The following LIMD1 variants were observed in gnomAD, a reference collection of about 807,000 sequenced individuals.
LIMD1 encodes the protein LIM domain containing 1, also known as LIM domain-containing protein 1.
Under a neutral mutation model 58.4 loss-of-function variants are expected in LIMD1, and 23 were observed. That is an observed-to-expected ratio of 0.39 (90% confidence interval 0.28 to 0.56). The LOEUF (loss-of-function observed/expected upper bound fraction) is 0.56. LIMD1 is among the 20% of genes least tolerant of loss of function. The probability of loss-of-function intolerance (pLI) is 0.57; values close to 1 mark genes in which losing one functional copy is unlikely to be tolerated. For missense variants in LIMD1, 838 were observed against 855.5 expected (o/e 0.98, Z 0.25); for synonymous variants, 334 against 345.5 (o/e 0.97, Z 0.37).
rs148710303 is a variant in LIMD1 at position 45,664,288 on chromosome 3, G to A, written c.1511-1362G>A. Among the ~76,000 whole-genome samples, 512 of 152,284 alleles carry A rather than the reference G, an allele frequency of 3.4e-3. 1 individual carries two copies. Among genetic ancestry groups the A allele is most frequent in the Middle Eastern group, 0.01 (3 of 294 alleles). ...CCCAAAATGCTGGGACTACAGACGTGAACAACTGTGCCCGGCCAGATACTA... is the reference window on the plus strand; with the variant it reads ...CCCAAAATGCTGGGACTACAGACGTAAACAACTGTGCCCGGCCAGATACTA... On this transcript the variant is annotated intron_variant, in intron 2 of 7. Transcript: ENST00000273317.
At chr3:45,646,566 G>T (rs140408491) in intron 2 of LIMD1, among the ~76,000 whole-genome samples, 2 of 152,256 alleles carry the variant, frequency 1.3e-5, no homozygotes, top group East Asian at 3.9e-4. Context: ...TGGCTAGTGT[G>T]ACTATGGAAC....
At chr3:45,676,001 C>G (rs765629810) in intron 7 of LIMD1, among the ~76,000 whole-genome samples, 1 of 151,970 alleles carries the variant, frequency 6.6e-6, no homozygotes, top group Non-Finnish European at 1.5e-5. Flanking sequence ...GCCTGTAATC[C>G]CAGCACTTTG....
At chr3:45,674,516 G>T in intron 7 of LIMD1, 105 bp downstream of exon 7, 5 of 850,056 alleles carry the variant, frequency 5.9e-6, no homozygotes, top group Non-Finnish European at 9.7e-6. Context: ...TCTGGCAAGG[G>T]TCAGCCCTCT....
chr3:45,606,013 TG>T (rs1007519320), intron 1 of LIMD1, among the ~76,000 whole-genome samples: 1 of 152,190 alleles, frequency 6.6e-6, no homozygotes, highest in African/African-American at 2.4e-5. Context: ...CATTAGGCCG[TG>T]AAGGTGGAAT....
Position 45,680,596 on chromosome 3 carries a change from A to G in LIMD1, c.*3537A>G, listed in dbSNP as rs746181399. ...CTCCCAAAGTGTTGGGATTATGGCCATTAGCCACTGTACCTGGCACAATTT... is the reference window on the plus strand; with the variant it reads ...CTCCCAAAGTGTTGGGATTATGGCCGTTAGCCACTGTACCTGGCACAATTT... On this transcript the variant is annotated 3_prime_UTR_variant, in exon 8 of 8. Coordinates refer to ENST00000273317, the MANE Select transcript of LIMD1 (RefSeq NM_014240.3). 1 of 152,084 alleles carries G rather than the reference A, an allele frequency of 6.6e-6. No individual in the cohort carries two copies. The highest frequency in any genetic ancestry group is 6.5e-5 in the Admixed American group (1 of 15,272). 9.4% of individuals were successfully genotyped at this position (152,084 alleles called of 1,614,324 possible).
At chr3:45,601,487 C>T (rs557444512) in intron 1 of LIMD1, among the ~76,000 whole-genome samples, 37 of 152,196 alleles carry the variant, frequency 2.4e-4, no homozygotes, top group Non-Finnish European at 3.5e-4. Flanking sequence ...TCGCCTTCAT[C>T]GAAGGGCCTT....
At chr3:45,624,742 A>ACAAAT (rs1471443669) in intron 1 of LIMD1, among the ~76,000 whole-genome samples, 11 of 152,004 alleles carry the variant, frequency 7.2e-5, no homozygotes, top group Non-Finnish European at 1.3e-4. Context: ...ACAAAACAAA[A>ACAAAT]AAAAACTTTC....
chr3:45,618,049 G>A lies in LIMD1; in HGVS notation c.1409-18101G>A, dbSNP rs78865452. On this transcript the variant is annotated intron_variant, in intron 1 of 7. Transcript: ENST00000273317. ...CATTCTGGTTCCCTTCTGGTTCCGTGTGGTGGGGCACCTCACTGCCTGAGG... is the reference window on the plus strand; with the variant it reads ...CATTCTGGTTCCCTTCTGGTTCCGTATGGTGGGGCACCTCACTGCCTGAGG... 5.9e-5 allele frequency among the ~76,000 whole-genome samples: 9 copies of A among 152,250 alleles called. 1 individual carries two copies. The South Asian group carries it at 1.0e-3, about 18-fold the overall frequency.
intron 1 of LIMD1, among the ~76,000 whole-genome samples, chr3:45,601,869 C>T (rs951342332): frequency 6.6e-6 from 1 of 152,114 alleles, no homozygotes; most frequent in African/African-American, 2.4e-5. Context: ...CATTCTCCAC[C>T]CACGTACTGT....
chr3:45,676,442 G>A (rs1697673597), intron 7 of LIMD1, among the ~76,000 whole-genome samples: 1 of 151,884 alleles, frequency 6.6e-6, no homozygotes, highest in East Asian at 1.9e-4. Flanking sequence ...CATCCTCTAA[G>A]TTCCCTCCCC....
chr3:45,680,561 C>T lies in LIMD1; in HGVS notation c.*3502C>T, dbSNP rs1697728858. The T allele has an allele frequency of 6.6e-6, 1 of 152,120 alleles. No individual in the cohort carries two copies. Among genetic ancestry groups the T allele is most frequent in the Admixed American group, 6.5e-5 (1 of 15,278 alleles). The allele number at this position is 152,120 out of a possible 1,614,324, so 9.4% of individuals were successfully genotyped here. A position where few individuals can be genotyped will look rare whatever the true frequency, so the allele number is the denominator to read the frequency against. ...GAACTCCTGGGCTCAAGTGATCTGC[C>T]CACTTCCGCCTCCCAAAGTGTTGGG... On this transcript the variant is annotated 3_prime_UTR_variant, in exon 8 of 8. Transcript: ENST00000273317.
chr3:45,661,485 T>A (rs1050082660), intron 2 of LIMD1, among the ~76,000 whole-genome samples: 3 of 152,242 alleles, frequency 2.0e-5, no homozygotes, highest in African/African-American at 7.2e-5. Flanking sequence ...ATTGGACATT[T>A]GATGCTCATT....
chr3:45,611,213 T>C (rs1330727356), intron 1 of LIMD1, among the ~76,000 whole-genome samples: 1 of 152,150 alleles, frequency 6.6e-6, no homozygotes, highest in African/African-American at 2.4e-5. Flanking sequence ...AACAAAAAGA[T>C]CATCATTTGT....
intron 1 of LIMD1, among the ~76,000 whole-genome samples, chr3:45,627,871 G>A (rs1701681229): frequency 1.3e-5 from 2 of 151,952 alleles, no homozygotes; most frequent in South Asian, 4.2e-4. Flanking sequence ...AGCGAGGCAT[G>A]GTGTTGCACG....
rs545670504 is a variant in LIMD1 at position 45,677,354 on chromosome 3, C to T, written c.*295C>T. 3 of 301,400 alleles carry T rather than the reference C, an allele frequency of 1.0e-5. No homozygotes were observed. The highest frequency in any genetic ancestry group is 6.4e-5 in the African/African-American group (3 of 46,906). 18.7% of individuals were successfully genotyped at this position (301,400 alleles called of 1,614,324 possible). ...GGTTGCATCATAGCACCAAAGGAAT[C>T]CTCCTGTCCCCTCTGGGAACATTTC... On this transcript the variant is annotated 3_prime_UTR_variant, in exon 8 of 8. Transcript: ENST00000273317.
At chr3:45,610,285 G>T (rs535657999) in intron 1 of LIMD1, among the ~76,000 whole-genome samples, 1 of 152,290 alleles carries the variant, frequency 6.6e-6, no homozygotes, top group Admixed American at 6.5e-5. Context: ...CTTTAGCTGG[G>T]ACACACATTC....
intron 1 of LIMD1, among the ~76,000 whole-genome samples, chr3:45,605,123 C>G (rs1479749100): frequency 6.6e-6 from 1 of 152,248 alleles, no homozygotes; most frequent in Non-Finnish European, 1.5e-5. Context: ...GCAAGTCCCT[C>G]TAGCTCTATT....
intron 1 of LIMD1, among the ~76,000 whole-genome samples, chr3:45,619,151 A>T (rs1170160245): frequency 6.6e-6 from 1 of 152,084 alleles, no homozygotes; most frequent in African/African-American, 2.4e-5. Flanking sequence ...GTGTATAATA[A>T]ATGCTAGCTC....
At chr3:45,603,259 A>G (rs998314496) in intron 1 of LIMD1, among the ~76,000 whole-genome samples, 4 of 152,174 alleles carry the variant, frequency 2.6e-5, no homozygotes, top group African/African-American at 7.2e-5. Context: ...AGGAAACAAC[A>G]TGGGCTAGTC....
Sources: gnomAD v4.1 joint callset for allele counts (sites outside exome capture counted in the v4.1 genomes callset) on GRCh38, gnomAD v4.1.1 for gene constraint, MANE v1.5 for transcripts, NCBI Gene and HGNC (gene_info 2026-07-23, HGNC 2026-07-21) for gene names.